The following MON2 variants were observed in gnomAD, a reference collection of about 807,000 sequenced individuals.
MON2 encodes the protein protein MON2 homolog.
MON2 carries 84 observed loss-of-function variants against 208.6 expected under a neutral mutation model. The observed-to-expected ratio is 0.40, with a 90% CI of 0.34 to 0.48. MON2 has a LOEUF of 0.48. Ranked by LOEUF, MON2 falls within the 20% of genes least tolerant of loss-of-function variation. The pLI is 0.59. For missense variants in MON2, 1,611 were observed against 2,015.4 expected, an observed-to-expected ratio of 0.80 and a Z score of 3.84; for synonymous variants, 660 against 694.0, an observed-to-expected ratio of 0.95 and a Z score of 0.77.
In MON2 at chr12:62,549,651, A is replaced by C; in HGVS notation, c.2754-17A>C. 1 of 1,577,878 alleles carries C rather than the reference A, an allele frequency of 6.3e-7. No homozygotes were observed. Among genetic ancestry groups the C allele is most frequent in the South Asian group, 1.2e-5 (1 of 84,536 alleles). The stretch of plus-strand genomic sequence containing the variant: ...AAATAAAATAAGTGCATCTGTATAC[A>C]TTTCTTTTGTTTTCAGAGAATCCTT... On this transcript the variant is annotated splice_polypyrimidine_tract_variant and intron_variant, in intron 22 of 34. Coordinates refer to ENST00000393630, the MANE Select transcript of MON2 (RefSeq NM_015026.3).
intron 2 of MON2, among the ~76,000 whole-genome samples, chr12:62,489,306 A>G (rs1236191012): frequency 6.6e-6 from 1 of 152,114 alleles, no homozygotes; most frequent in Non-Finnish European, 1.5e-5. Flanking sequence ...AAATAGACAA[A>G]TGAATTCTCA....
At chr12:62,478,424 A>C (rs1416488511) in intron 1 of MON2, among the ~76,000 whole-genome samples, 1 of 152,206 alleles carries the variant, frequency 6.6e-6, no homozygotes, top group Non-Finnish European at 1.5e-5. Flanking sequence ...ATGGAAGAAA[A>C]GATTTCCGTC....
chr12:62,579,396 C>T (rs1192729423), intron 31 of MON2, among the ~76,000 whole-genome samples: 4 of 151,606 alleles, frequency 2.6e-5, no homozygotes, highest in African/African-American at 9.7e-5. Context: ...GATAGAGGAA[C>T]TTTTAAGTAA....
intron 7 of MON2, among the ~76,000 whole-genome samples, chr12:62,506,770 A>C (rs2071123586): frequency 6.6e-6 from 1 of 152,066 alleles, no homozygotes; most frequent in South Asian, 2.1e-4. Flanking sequence ...GATTCTGAGC[A>C]AACAACCTGC....
At position 62,573,517 on chromosome 12, in the gene MON2, A is replaced by G. The variant is rs147156407; in HGVS notation, c.4514+1935A>G. ...TGAGGTGGGAGGATTGCCGAGGCCCAGGAGTCAAATCCAGCCTGAGCAACA... is the reference window on the plus strand; with the variant it reads ...TGAGGTGGGAGGATTGCCGAGGCCCGGGAGTCAAATCCAGCCTGAGCAACA... On this transcript the variant is annotated intron_variant, in intron 30 of 34. Coordinates refer to ENST00000393630, the MANE Select transcript of MON2 (RefSeq NM_015026.3). Among the ~76,000 whole-genome samples the G allele has an allele frequency of 2.6e-3, 395 of 151,848 alleles. 4 individuals are homozygous for G. Among genetic ancestry groups the G allele is most frequent in the African/African-American group, 8.9e-3 (371 of 41,462 alleles).
rs2075578830 is a variant in MON2, at chr12:62,599,035, A to G, written c.*6286A>G. ...CTTTCTCATCCCCGTTAAGTCTGAAACATTATTGACACCCCACATCACTTA... is the reference window on the plus strand; with the variant it reads ...CTTTCTCATCCCCGTTAAGTCTGAAGCATTATTGACACCCCACATCACTTA... On this transcript the variant is annotated 3_prime_UTR_variant, in exon 35 of 35. Coordinates refer to ENST00000393630, the MANE Select transcript of MON2 (RefSeq NM_015026.3). 1.3e-5 allele frequency: 2 copies of G among 152,178 alleles called. No individual in the cohort carries two copies. The highest frequency in any genetic ancestry group is 1.3e-4 in the Admixed American group (2 of 15,280). The allele number at this position is 152,178 out of a possible 1,614,324, so 9.4% of individuals were successfully genotyped here.
Position 62,561,161 on chromosome 12 carries a change from A to G in MON2, c.4032+48A>G, listed in dbSNP as rs766873014. 6 of 1,458,236 alleles carry G rather than the reference A, an allele frequency of 4.1e-6. No individual in the cohort carries two copies. In the South Asian group the frequency reaches 8.6e-5, roughly 21 times the overall value. The allele number at this position is 1,458,236 out of a possible 1,614,324, so 90.3% of individuals were successfully genotyped here. ...GTAATACTGCATATAGTTCTCTGAA[A>G]TTTTTTTTATTTTGCTATATATTTG... On this transcript the variant is annotated intron_variant, in intron 26 of 34. Transcript: ENST00000393630.
intron 4 of MON2, among the ~76,000 whole-genome samples, chr12:62,496,884 A>T (rs1388954886): frequency 6.7e-6 from 1 of 149,016 alleles, no homozygotes; most frequent in Non-Finnish European, 1.5e-5. Context: ...ACTATTCACA[A>T]TAGCAAAGAC....
intron 34 of MON2, among the ~76,000 whole-genome samples, chr12:62,592,083 A>T (rs1180812213): frequency 6.6e-6 from 1 of 152,232 alleles, no homozygotes; most frequent in Non-Finnish European, 1.5e-5. Context: ...AAAGATTAGC[A>T]AACAGTACAA....
chr12:62,527,914 A>G (rs1302946823), intron 11 of MON2, among the ~76,000 whole-genome samples: 3 of 151,856 alleles, frequency 2.0e-5, no homozygotes, highest in Non-Finnish European at 2.9e-5. Flanking sequence ...CCTTTTTAAA[A>G]TTTATTAGTA....
chr12:62,558,224 T>C (rs1421289799), intron 25 of MON2, among the ~76,000 whole-genome samples: 1 of 151,806 alleles, frequency 6.6e-6, no homozygotes, highest in Non-Finnish European at 1.5e-5. Context: ...GTGATCTGCC[T>C]GCCTCAGCCT....
At chr12:62,502,417 A>G (rs940148995) in intron 7 of MON2, among the ~76,000 whole-genome samples, 1 of 151,892 alleles carries the variant, frequency 6.6e-6, no homozygotes, top group Non-Finnish European at 1.5e-5. Flanking sequence ...TAAAAAAAAA[A>G]AAAAGGAAGG....
chr12:62,547,286 T>G (rs2073530807), intron 22 of MON2, among the ~76,000 whole-genome samples: 1 of 152,192 alleles, frequency 6.6e-6, no homozygotes, highest in African/African-American at 2.4e-5. Context: ...CAGGCAATTT[T>G]TAGGGATCAC....
intron 21 of MON2, among the ~76,000 whole-genome samples, 172 bp downstream of exon 21, chr12:62,545,180 C>A (rs950328157): frequency 6.6e-6 from 1 of 151,980 alleles, no homozygotes; most frequent in African/African-American, 2.4e-5. Flanking sequence ...ATTTTTAGGG[C>A]TGTTTTCATA....
chr12:62,529,612 G>A (rs949427093), intron 11 of MON2, among the ~76,000 whole-genome samples: 1 of 151,840 alleles, frequency 6.6e-6, no homozygotes, highest in Non-Finnish European at 1.5e-5. Flanking sequence ...ACAATTCATG[G>A]TTTCATTATA....
chr12:62,566,220 C>A (rs748312734), intron 28 of MON2, 102 bp from the exon 29 acceptor site: 15 of 1,442,130 alleles, frequency 1.0e-5, no homozygotes, highest in Non-Finnish European at 3.8e-6. Flanking sequence ...GACCTAAAAC[C>A]AAGGCCTGAA....
chr12:62,553,387 CTTA>C (rs2073831520), intron 24 of MON2: 3 of 449,892 alleles, frequency 6.7e-6, no homozygotes, highest in Non-Finnish European at 1.2e-5. Flanking sequence ...GTCTTCATCT[CTTA>C]TTATTATATC....
At position 62,585,470 on chromosome 12, in the gene MON2, G is replaced by A. The variant is rs1372707965; in HGVS notation, c.4876G>A (p.Glu1626Lys). 8.7e-6 allele frequency: 14 copies of A among 1,610,960 alleles called. No homozygotes were observed. Among genetic ancestry groups the A allele is most frequent in the Non-Finnish European group, 1.2e-5 (14 of 1,177,682 alleles). ...TGTACTACATCGCTATATAGAGGAT[G>A]AAAGATTAAGTGGTAAATGCCCTCT... ...QDVLHRYIED[E>K]RLSGKCPLPR... Residue 1626 changes from glutamate (E) to lysine (K), a missense_variant, in exon 33 of 35, where the codon GAA becomes AAA. Coordinates refer to ENST00000393630, the MANE Select transcript of MON2 (RefSeq NM_015026.3).
rs185874488 is a variant in MON2, at chr12:62,523,051, C to A, written c.985-1464C>A. ...CTTGCCTCAAAGCTTAGCTGATGAA[C>A]CTTAAATTCATTCACACACACTTAT... On this transcript the variant is annotated intron_variant, in intron 8 of 34. Transcript: ENST00000393630. 9.9e-4 allele frequency among the ~76,000 whole-genome samples: 151 copies of A among 152,230 alleles called. 1 individual carries two copies. Among genetic ancestry groups the A allele is most frequent in the African/African-American group, 3.5e-3 (145 of 41,542 alleles).
Sources: gnomAD v4.1 joint callset for allele counts (sites outside exome capture counted in the v4.1 genomes callset) on GRCh38, gnomAD v4.1.1 for gene constraint, MANE v1.5 for transcripts, NCBI Gene and HGNC (gene_info 2026-07-23, HGNC 2026-07-21) for gene names.